Variants in PPP1CC observed in about 807,000 individuals in gnomAD.
PPP1CC encodes the protein serine/threonine-protein phosphatase PP1-gamma catalytic subunit.
In PPP1CC, 16 loss-of-function variants were observed where a neutral mutation model predicts 38.4. The observed-to-expected ratio is 0.42, with a 90% CI of 0.28 to 0.63. The LOEUF (loss-of-function observed/expected upper bound fraction) is 0.63, where lower values mean the gene tolerates loss of function less well. Ranked by LOEUF, PPP1CC falls within the 30% of genes least tolerant of loss-of-function variation. The pLI, the probability that PPP1CC is intolerant of heterozygous loss-of-function variation, is 0.25. For missense variants in PPP1CC, 170 were observed against 391.3 expected, an observed-to-expected ratio of 0.43 and a Z score of 4.77; for synonymous variants, 158 against 136.0, an observed-to-expected ratio of 1.16 and a Z score of -1.13.
chr12:110,720,987 G>C lies in PPP1CC; in HGVS notation c.*89C>G. ...CCCCCACAAACACAGATCTATCTGA[G>C]CAAGCTGACCAGTACACATTACAGT... is the stretch of plus-strand genomic sequence containing the variant. On this transcript the variant is annotated 3_prime_UTR_variant, in exon 7 of 7. Transcript: ENST00000335007. 8.7e-7 allele frequency: 1 copy of C among 1,153,814 alleles called. No homozygotes were observed. Among genetic ancestry groups the C allele is most frequent in the Admixed American group, 2.0e-5 (1 of 50,812 alleles). 71.5% of individuals were successfully genotyped at this position (1,153,814 alleles called of 1,614,324 possible).
chr12:110,735,001 A>G (rs1175528802), intron 1 of PPP1CC: 3 of 150,764 alleles, frequency 2.0e-5, no homozygotes, highest in Non-Finnish European at 4.4e-5. Context: ...AGAAAAAAAA[A>G]AAAAAAAAAA....
intron 4 of PPP1CC, among the ~76,000 whole-genome samples, chr12:110,724,397 C>CA (rs1313053467): frequency 6.6e-6 from 1 of 152,034 alleles, no homozygotes; most frequent in African/African-American, 2.4e-5. Flanking sequence ...CTCATCCTTA[C>CA]AAAAAATAAA....
chr12:110,723,618 T>C (rs1217619787), intron 4 of PPP1CC, among the ~76,000 whole-genome samples: 2 of 152,268 alleles, frequency 1.3e-5, no homozygotes, highest in East Asian at 3.9e-4. Flanking sequence ...CAAGCGATCC[T>C]CCCGCCTCAG....
At chr12:110,717,237 GGTGCCAT>G (rs1806190500), downstream of PPP1CC, among the ~76,000 whole-genome samples, 1 of 152,114 alleles carries the variant, frequency 6.6e-6, no homozygotes, top group Admixed American at 6.6e-5. Flanking sequence ...TGGGGCAGAG[GGTGCCAT>G]GTTCTTCCAG....
At chr12:110,733,634 C>T (rs770127489) in intron 1 of PPP1CC, among the ~76,000 whole-genome samples, 1 of 152,126 alleles carries the variant, frequency 6.6e-6, no homozygotes, top group Admixed American at 6.6e-5. Context: ...AAAAATTCTT[C>T]TTTTTTGAAG....
chr12:110,741,821 C>A (rs115887800), intron 1 of PPP1CC, among the ~76,000 whole-genome samples: 2,474 of 152,256 alleles, frequency 0.016, 57 homozygotes, highest in African/African-American at 0.056. Context: ...AAATATCTTG[C>A]AATGGGTGGG....
intron 4 of PPP1CC, among the ~76,000 whole-genome samples, chr12:110,723,599 C>A (rs2069763191): frequency 6.6e-6 from 1 of 152,110 alleles, no homozygotes; most frequent in African/African-American, 2.4e-5. Context: ...AGCCTTAAAC[C>A]CCTGGGTTCA....
chr12:110,713,695 T>C, the PPP1CC span, among the ~76,000 whole-genome samples: 2 of 152,160 alleles, frequency 1.3e-5, no homozygotes, highest in African/African-American at 4.8e-5. Context: ...TTTTATTCAT[T>C]TTACATGAGG....
At chr12:110,728,415 C>CA (rs1310771123) in intron 3 of PPP1CC, among the ~76,000 whole-genome samples, 1 of 139,592 alleles carries the variant, frequency 7.2e-6, no homozygotes, top group African/African-American at 2.6e-5. Context: ...AAAAAAAAAA[C>CA]AAAAAACAAA....
At position 110,720,237 on chromosome 12, in the gene PPP1CC, T is replaced by C. The variant is rs1271227358; in HGVS notation, c.*839A>G. ...AAGATTACTTAATGAATAGACTATA[T>C]GGAAATTGTATAAAATGTTATTACC... On this transcript the variant is annotated 3_prime_UTR_variant, in exon 7 of 7. Transcript: ENST00000335007. 5 of 1,489,374 alleles carry C rather than the reference T, an allele frequency of 3.4e-6. No homozygotes were observed. Among genetic ancestry groups the C allele is most frequent in the South Asian group, 1.2e-5 (1 of 82,784 alleles). The allele number at this position is 1,489,374 out of a possible 1,614,324, so 92.3% of individuals were successfully genotyped here.
the PPP1CC span, among the ~76,000 whole-genome samples, chr12:110,710,615 G>A: frequency 6.6e-6 from 1 of 150,666 alleles, no homozygotes; most frequent in Non-Finnish European, 1.5e-5. Context: ...CTACTCAGGA[G>A]GCTGAGGCAG....
chr12:110,722,099 A>G lies in PPP1CC; in HGVS notation c.882+36T>C, dbSNP rs989235642. On this transcript the variant is annotated intron_variant, in intron 6 of 6. Transcript: ENST00000335007. The surrounding 1 kb of genome is among the most constrained non-coding windows in gnomAD (Gnocchi z 5.4). ...ATTTTTCAATCAGCAAAGTGTAAAC[A>G]TATTAAAAGGAAATCATGTTGAAAG... The G allele has an allele frequency of 5.6e-6, 9 of 1,611,026 alleles. No homozygotes were observed. Among genetic ancestry groups the G allele is most frequent in the African/African-American group, 5.3e-5 (4 of 74,866 alleles).
At chr12:110,714,970 T>G (rs1262551081), downstream of PPP1CC, among the ~76,000 whole-genome samples, 2 of 151,758 alleles carry the variant, frequency 1.3e-5, no homozygotes, top group African/African-American at 4.9e-5. Context: ...AAAAACACCC[T>G]TTATCCCACC....
rs1433862566 is a variant in PPP1CC at position 110,720,051 on chromosome 12, A to G, written c.*1025T>C. ...GTGAGTTCTGTATAAACTGGTGGAC[A>G]GTAAGTTAGTTCCTTTGTTTTAACT... On this transcript the variant is annotated 3_prime_UTR_variant, in exon 7 of 7. Coordinates refer to ENST00000335007, the MANE Select transcript of PPP1CC (RefSeq NM_002710.4). The G allele has an allele frequency of 8.2e-7, 1 of 1,220,120 alleles. No individual in the cohort carries two copies. The highest frequency in any genetic ancestry group is 1.4e-5 in the South Asian group (1 of 73,478). The allele number at this position is 1,220,120 out of a possible 1,614,324, so 75.6% of individuals were successfully genotyped here. A position where few individuals can be genotyped will look rare whatever the true frequency, so the allele number is the denominator to read the frequency against.
the PPP1CC span, among the ~76,000 whole-genome samples, chr12:110,712,101 C>T: frequency 6.0e-4 from 91 of 151,952 alleles, no homozygotes; most frequent in African/African-American, 2.0e-3. Flanking sequence ...AAATACTTAC[C>T]ATTGTGTTAT....
At chr12:110,737,497 A>AAAG (rs2069959379) in intron 1 of PPP1CC, among the ~76,000 whole-genome samples, 3 of 147,532 alleles carry the variant, frequency 2.0e-5, no homozygotes, top group African/African-American at 7.8e-5. Flanking sequence ...AAAAAAAAAA[A>AAAG]AAAAGAAAAG....
chr12:110,737,999 A>C (rs961632158), intron 1 of PPP1CC, among the ~76,000 whole-genome samples: 2 of 152,124 alleles, frequency 1.3e-5, no homozygotes, highest in African/African-American at 4.8e-5. Flanking sequence ...GTTCTCAATA[A>C]AGCATCTTGA....
At chr12:110,711,145 C>T in the PPP1CC span, among the ~76,000 whole-genome samples, 21 of 151,998 alleles carry the variant, frequency 1.4e-4, no homozygotes, top group Middle Eastern at 0.021. Context: ...TGCATTCCAG[C>T]CTGGGCGACA....
chr12:110,738,016 T>C (rs2069967949), intron 1 of PPP1CC, among the ~76,000 whole-genome samples: 1 of 152,206 alleles, frequency 6.6e-6, no homozygotes, highest in Non-Finnish European at 1.5e-5. Context: ...TTGAGTTTTC[T>C]ACACCTCGAG....
Sources: allele counts gnomAD v4.1 joint callset (sites outside exome capture counted in the v4.1 genomes callset), GRCh38; gene constraint gnomAD v4.1.1; non-coding constraint Gnocchi (gnomAD v3.1); transcripts MANE v1.5; gene names NCBI Gene and HGNC (gene_info 2026-07-23, HGNC 2026-07-21).